The following ANLN variants were observed in gnomAD, a reference collection of about 807,000 sequenced individuals.
ANLN encodes anillin, actin binding protein.
Under a neutral mutation model 135.1 loss-of-function variants are expected in ANLN, and 59 were observed. That is an observed-to-expected ratio of 0.44 (90% CI 0.35 to 0.54). The LOEUF (loss-of-function observed/expected upper bound fraction) is 0.54. Among genes scored for constraint, ANLN ranks in the 20% least tolerant of loss-of-function variants. The pLI, the probability that ANLN is intolerant of heterozygous loss-of-function variation, is 0.00. For synonymous variants in ANLN, 406 were observed against 456.4 expected, an observed-to-expected ratio of 0.89 and a Z score of 1.41; for missense variants, 1,182 against 1,340.0, an observed-to-expected ratio of 0.88 and a Z score of 1.84.
At chr7:36,439,980 A>G (rs1307547835) in intron 21 of ANLN, among the ~76,000 whole-genome samples, 1 of 152,250 alleles carries the variant, frequency 6.6e-6, no homozygotes, top group East Asian at 1.9e-4. Flanking sequence ...TGAGAAAATC[A>G]TTCTGACCAA....
At chr7:36,408,695 T>G (rs1001925195) in intron 5 of ANLN, among the ~76,000 whole-genome samples, 6 of 152,196 alleles carry the variant, frequency 3.9e-5, no homozygotes, top group African/African-American at 1.2e-4. Flanking sequence ...ACTGTATATT[T>G]GTACTCATTA....
At chr7:36,428,494 A>G (rs1165738968) in intron 20 of ANLN, 5 of 358,056 alleles carry the variant, frequency 1.4e-5, no homozygotes, top group African/African-American at 6.6e-5. Context: ...ACATTATTCT[A>G]TCATGAGACT....
Position 36,415,868 on chromosome 7 carries a change from T to C in ANLN, c.1506T>C (p.Ser502=), listed in dbSNP as rs10224902. ...VTENQIPAKN[S]STEPKGFTEC... Reference sequence around the variant, plus strand: ...AAAACCAGATACCAGCCAAAAATTCTAGTACAGAACCTAAAGGTCAGTGTT... The same window carrying C: ...AAAACCAGATACCAGCCAAAAATTCCAGTACAGAACCTAAAGGTCAGTGTT... Residue 502 remains serine, a synonymous_variant, in exon 8 of 24, where the codon TCT becomes TCC. Coordinates refer to ENST00000265748, the MANE Select transcript of ANLN (RefSeq NM_018685.5). 0.12 allele frequency: 191,388 copies of C among 1,598,152 alleles called. 11,954 individuals are homozygous for C. Among genetic ancestry groups the C allele is most frequent in the Admixed American group, 0.19 (10,626 of 55,926 alleles).
Position 36,390,050 on chromosome 7 carries a change from T to C in ANLN, c.18+6T>C. ...CGATGGATCCGTTTACGGAGGTGAG[T>C]GAGTTTGCGGGTGCAGCCAGCCATG... On this transcript the variant is annotated splice_donor_region_variant and intron_variant, in intron 1 of 23. Coordinates refer to ENST00000265748, the MANE Select transcript of ANLN (RefSeq NM_018685.5). 1 of 1,613,536 alleles carries C rather than the reference T, an allele frequency of 6.2e-7. No individual in the cohort carries two copies. Among genetic ancestry groups the C allele is most frequent in the East Asian group, 2.2e-5 (1 of 44,850 alleles).
chr7:36,447,769 C>T (rs1388278259), intron 22 of ANLN, among the ~76,000 whole-genome samples: 1 of 152,154 alleles, frequency 6.6e-6, no homozygotes, highest in Non-Finnish European at 1.5e-5. Flanking sequence ...CAGGAGATTA[C>T]ATCATGCTGC....
At chr7:36,449,900 C>G in intron 23 of ANLN, 63 bp downstream of exon 23, 2 of 1,492,726 alleles carry the variant, frequency 1.3e-6, no homozygotes, top group South Asian at 2.5e-5. Context: ...ATGTACTTAC[C>G]ACTATGAGAA....
At chr7:36,404,344 C>G (rs1204773607) in intron 3 of ANLN, among the ~76,000 whole-genome samples, 4 of 152,154 alleles carry the variant, frequency 2.6e-5, no homozygotes, top group African/African-American at 9.7e-5. Context: ...GGTATATGTT[C>G]CACGACCACC....
At chr7:36,415,657 CA>C in intron 7 of ANLN, 100 bp from the exon 8 acceptor site, 1 of 1,288,406 alleles carries the variant, frequency 7.8e-7, no homozygotes, top group Admixed American at 2.8e-5. Flanking sequence ...GAAACTTATA[CA>C]GAATAATATT....
intron 1 of ANLN, 127 bp downstream of exon 1, chr7:36,390,171 G>C (rs761224695): frequency 1.2e-5 from 18 of 1,534,468 alleles, no homozygotes; most frequent in African/African-American, 1.1e-4. Flanking sequence ...TGCGCAGTGT[G>C]TGCGGGCCGG....
intron 7 of ANLN, 97 bp from the exon 8 acceptor site, chr7:36,415,661 A>G: frequency 3.8e-6 from 5 of 1,317,684 alleles, no homozygotes; most frequent in Non-Finnish European, 5.1e-6. Context: ...CTTATACAGA[A>G]TAATATTTAA....
chr7:36,449,791 C>G lies in ANLN; in HGVS notation c.3205C>G (p.Arg1069Gly), dbSNP rs1337960308. The change falls in exon 23 of 24, where the codon CGA becomes GGA. Residue 1069 changes from arginine to glycine, a missense_variant. Physicochemically the swap from Arg to Gly is moderately radical, Grantham distance 125. This residue lies in a region of ANLN where 78 missense variants were observed against 72.7 expected (regional missense o/e 1.07). Coordinates refer to ENST00000265748, the MANE Select transcript of ANLN (RefSeq NM_018685.5). ...ITVRPQREDD[R>G]ETLVSQCRDT... ...TGTCCGACCACAAAGAGAAGATGAC[C>G]GAGAGACTCTTGTCAGCCAATGCAG... 7 of 1,613,734 alleles carry G rather than the reference C, an allele frequency of 4.3e-6. No individual in the cohort carries two copies. Among genetic ancestry groups the G allele is most frequent in the Non-Finnish European group, 5.9e-6 (7 of 1,179,890 alleles).
intron 3 of ANLN, among the ~76,000 whole-genome samples, chr7:36,404,634 T>C (rs920669040): frequency 6.6e-6 from 1 of 152,232 alleles, no homozygotes. Flanking sequence ...AACTTTCACC[T>C]TTTGACTTCA....
rs532120296 is a variant in ANLN at position 36,407,877 on chromosome 7, C to T, written c.1017C>T (p.Ser339=). 99 of 1,613,712 alleles carry T rather than the reference C, an allele frequency of 6.1e-5. No individual in the cohort carries two copies. The highest frequency in any genetic ancestry group is 8.1e-5 in the Non-Finnish European group (96 of 1,179,852). The change falls in exon 5 of 24, where the codon TCC becomes TCT. Residue 339 remains serine, a synonymous_variant. Transcript: ENST00000265748. The part of the protein sequence containing the change: ...VSKPIVKSTL[S]QTVPSKGELS... The stretch of plus-strand genomic sequence containing the variant: ...AACCAATTGTGAAGTCAACTTTATC[C>T]CAGACAGTTCCATCCAAGGGAGAAT...
At chr7:36,405,772 A>G (rs1293385539) in intron 3 of ANLN, among the ~76,000 whole-genome samples, 1 of 152,238 alleles carries the variant, frequency 6.6e-6, no homozygotes, top group South Asian at 2.1e-4. Flanking sequence ...ATTAGTCACA[A>G]GTGGCTAATG....
intron 22 of ANLN, among the ~76,000 whole-genome samples, chr7:36,444,977 A>G (rs1445739642): frequency 6.6e-6 from 1 of 151,918 alleles, no homozygotes; most frequent in African/African-American, 2.4e-5. Context: ...GCGTAAAATA[A>G]TTTCATCAAC....
At chr7:36,413,135 C>T (rs930807689) in intron 7 of ANLN, among the ~76,000 whole-genome samples, 1 of 141,728 alleles carries the variant, frequency 7.1e-6, no homozygotes, top group Non-Finnish European at 1.6e-5. Context: ...GGAAGAAATG[C>T]GTTTGCTGAT....
intron 2 of ANLN, 138 bp from the exon 3 acceptor site, chr7:36,398,941 A>G (rs2116523625): frequency 1.5e-6 from 1 of 661,414 alleles, no homozygotes; most frequent in East Asian, 2.8e-5. Context: ...GGGGTTTTAC[A>G]TACTTCTGGT....
intron 22 of ANLN, among the ~76,000 whole-genome samples, chr7:36,446,001 A>G (rs993004300): frequency 2.6e-5 from 4 of 151,908 alleles, no homozygotes; most frequent in African/African-American, 4.8e-5. Context: ...AAGAGTGTGT[A>G]TGGCCATTTA....
chr7:36,413,596 CA>C (rs1442358763), intron 7 of ANLN, among the ~76,000 whole-genome samples: 1 of 152,180 alleles, frequency 6.6e-6, no homozygotes, highest in Non-Finnish European at 1.5e-5. Flanking sequence ...TGCATGTAAA[CA>C]AAATTCTGAA....
Sources: allele counts gnomAD v4.1 joint callset (sites outside exome capture counted in the v4.1 genomes callset), GRCh38; gene constraint gnomAD v4.1.1; regional missense constraint gnomAD v4.1.1; transcripts MANE v1.5; gene names NCBI Gene and HGNC (gene_info 2026-07-23, HGNC 2026-07-21).